PCDHGB4: variants seen among roughly 807,000 people sequenced by gnomAD.
The protein encoded by PCDHGB4 is protocadherin gamma subfamily B, 4, also known as protocadherin gamma-B4.
A neutral mutation model predicts 60.5 loss-of-function variants in PCDHGB4; 38 were observed. The ratio of observed to expected loss-of-function variants is 0.63; its 90% CI spans 0.48 to 0.82. PCDHGB4 has a LOEUF of 0.82. Among genes scored for constraint, PCDHGB4 ranks in the 40% least tolerant of loss-of-function variants. PCDHGB4 has a pLI of 0.00. For missense variants in PCDHGB4, 1,109 were observed against 1,209.6 expected (o/e 0.92, Z 1.23); for synonymous variants, 456 against 509.7 (o/e 0.89, Z 1.42).
At chr5:141,464,558 A>G (rs1276921889) in intron 1 of PCDHGB4, among the ~76,000 whole-genome samples, 2 of 152,176 alleles carry the variant, frequency 1.3e-5, no homozygotes, top group Non-Finnish European at 2.9e-5. Context: ...CCCATCTTGC[A>G]TTCCTACAAA....
chr5:141,461,510 G>T (rs2099016853), intron 1 of PCDHGB4, among the ~76,000 whole-genome samples: 1 of 152,014 alleles, frequency 6.6e-6, no homozygotes, highest in Non-Finnish European at 1.5e-5. Context: ...TTGGTGATTT[G>T]TTAGTTCCTT....
intron 1 of PCDHGB4, chr5:141,424,083 C>T (rs2096798692): frequency 4.2e-6 from 4 of 957,190 alleles, no homozygotes; most frequent in Non-Finnish European, 5.1e-6. Flanking sequence ...TATATTCCAC[C>T]ATTATTTGCT....
At position 141,414,245 on chromosome 5, in the gene PCDHGB4, T is replaced by G. The variant is rs760119941; in HGVS notation, c.2397+23964T>G. On this transcript the variant is annotated intron_variant, in intron 1 of 3. Transcript: ENST00000519479. ...CCAGAGCTGACCATCACGTCTCTAT[T>G]TAGTCCAGTGACTGAAGATTCACCT... 49 of 1,613,380 alleles carry G rather than the reference T, an allele frequency of 3.0e-5. 1 individual carries two copies. The highest frequency in any genetic ancestry group is 1.3e-4 in the South Asian group (12 of 90,978).
At chr5:141,446,079 A>T (rs2098487021) in intron 1 of PCDHGB4, among the ~76,000 whole-genome samples, 1 of 152,234 alleles carries the variant, frequency 6.6e-6, no homozygotes, top group Non-Finnish European at 1.5e-5. Context: ...CAGTGGATGT[A>T]GAAATAAATG....
chr5:141,412,554 C>T (rs2095562022), intron 1 of PCDHGB4: 1 of 152,094 alleles, frequency 6.6e-6, no homozygotes, highest in Non-Finnish European at 1.5e-5. Context: ...TGAATTATCT[C>T]ATGAGTTTAT....
At chr5:141,444,152 A>ATTTTTTTTTTTTTTTTT (rs747671382) in intron 1 of PCDHGB4, among the ~76,000 whole-genome samples, 1 of 33,898 alleles carries the variant, frequency 3.0e-5, no homozygotes, top group African/African-American at 1.4e-4. Context: ...TGTGTACTGG[A>ATTTTTTTTTTTTTTTTT]TTTTTTTTTT....
intron 1 of PCDHGB4, chr5:141,393,329 C>T: frequency 6.2e-7 from 1 of 1,611,240 alleles, no homozygotes; most frequent in South Asian, 1.1e-5. Flanking sequence ...GCTACCAGCT[C>T]AGCCCCAATC....
chr5:141,397,965 C>G (rs2093591451), intron 1 of PCDHGB4: 3 of 1,077,486 alleles, frequency 2.8e-6, no homozygotes, highest in South Asian at 1.7e-5. Context: ...AGCTCAGACT[C>G]CCCAGCGCCG....
At chr5:141,442,111 C>G (rs1265830634) in intron 1 of PCDHGB4, 1 of 166,236 alleles carries the variant, frequency 6.0e-6, no homozygotes, top group Non-Finnish European at 1.3e-5. Context: ...CACTACCGCC[C>G]CTCGTCGCCG....
At chr5:141,471,111 C>T (rs529680278) in intron 1 of PCDHGB4, among the ~76,000 whole-genome samples, 1 of 146,150 alleles carries the variant, frequency 6.8e-6, no homozygotes, top group African/African-American at 2.6e-5. Flanking sequence ...TGCAGTGGTG[C>T]GATCTTACCT....
chr5:141,409,203 T>TC, intron 1 of PCDHGB4: 1 of 1,613,964 alleles, frequency 6.2e-7, no homozygotes, highest in Non-Finnish European at 8.5e-7. Context: ...TGTAAAGTAA[T>TC]CATAGAAATC....
At chr5:141,418,836 C>T (rs2096292464) in intron 1 of PCDHGB4, 1 of 1,613,984 alleles carries the variant, frequency 6.2e-7, no homozygotes, top group Non-Finnish European at 8.5e-7. Flanking sequence ...GACCGAGGAT[C>T]TCTCTCAACA....
rs1010974359 is a variant in PCDHGB4, at chr5:141,388,956, G to C, written c.1072G>C (p.Ala358Pro). Reference sequence around the variant, plus strand: ...TCTACCCAACCTAATTATGGAGGACGCCGAGCTGGGAACACATATTGCTTT... The same window carrying C: ...TCTACCCAACCTAATTATGGAGGACCCCGAGCTGGGAACACATATTGCTTT... ...QSLPNLIMED[A>P]ELGTHIALLK... The change falls in exon 1 of 4, where the codon GCC becomes CCC. Residue 358 changes from alanine (A) to proline (P), a missense_variant. Physicochemically the swap from Ala to Pro is conservative, Grantham distance 27. Transcript: ENST00000519479. 6.2e-7 allele frequency: 1 copy of C among 1,613,846 alleles called. No homozygotes were observed. Among genetic ancestry groups the C allele is most frequent in the Non-Finnish European group, 8.5e-7 (1 of 1,179,898 alleles).
chr5:141,446,578 GTGAT>G (rs2098507706), intron 1 of PCDHGB4, among the ~76,000 whole-genome samples: 1 of 152,064 alleles, frequency 6.6e-6, no homozygotes, highest in African/African-American at 2.4e-5. Context: ...CCAGGTTCAA[GTGAT>G]TCTTCTGCCT....
chr5:141,487,386 G>C lies in PCDHGB4; in HGVS notation c.2398-7421G>C. On this transcript the variant is annotated intron_variant, in intron 1 of 3. Coordinates refer to ENST00000519479, the MANE Select transcript of PCDHGB4 (RefSeq NM_003736.4). The surrounding 1 kb of genome is among the most constrained non-coding windows in gnomAD (Gnocchi z 5.0). Reference sequence around the variant, plus strand: ...ACCTGTGCCTGTCTCACCAGATCTCGAAGGAGGGAGGGGCTTCCCCCTTCC... The same window carrying C: ...ACCTGTGCCTGTCTCACCAGATCTCCAAGGAGGGAGGGGCTTCCCCCTTCC... The C allele has an allele frequency of 1.2e-6, 2 of 1,614,164 alleles. No homozygotes were observed. Among genetic ancestry groups the C allele is most frequent in the South Asian group, 1.1e-5 (1 of 91,084 alleles).
rs979093310 is a variant in PCDHGB4 at position 141,486,621 on chromosome 5, A to G, written c.2398-8186A>G. On this transcript the variant is annotated intron_variant, in intron 1 of 3. Transcript: ENST00000519479. This position sits in a 1 kb window ranked among gnomAD's most constrained non-coding sequence, Gnocchi z 5.0. The stretch of plus-strand genomic sequence containing the variant: ...TGCTCCCTTGCAGCCTCTGACCCAG[A>G]CTCTGGCTTGAATGCGCTTATCTCC... 6.2e-7 allele frequency: 1 copy of G among 1,613,388 alleles called. No individual in the cohort carries two copies. The highest frequency in any genetic ancestry group is 1.3e-5 in the African/African-American group (1 of 74,960).
intron 1 of PCDHGB4, chr5:141,404,355 G>A (rs1170833341): frequency 6.2e-7 from 1 of 1,613,896 alleles, no homozygotes; most frequent in Admixed American, 1.7e-5. Flanking sequence ...AACGCCAGAG[G>A]TACTTCCATC....
At chr5:141,406,544 T>A (rs1254762260) in intron 1 of PCDHGB4, among the ~76,000 whole-genome samples, 1 of 152,222 alleles carries the variant, frequency 6.6e-6, no homozygotes, top group Non-Finnish European at 1.5e-5. Context: ...AGATTCAAAC[T>A]TCAGTTATCC....
At chr5:141,443,820 T>A (rs1329478151) in intron 1 of PCDHGB4, among the ~76,000 whole-genome samples, 1 of 151,986 alleles carries the variant, frequency 6.6e-6, no homozygotes, top group Non-Finnish European at 1.5e-5. Context: ...TTGGAAAACA[T>A]AATTAGGTAA....
Sources: gnomAD v4.1 joint callset for allele counts (sites outside exome capture counted in the v4.1 genomes callset) on GRCh38, gnomAD v4.1.1 for gene constraint, Gnocchi (gnomAD v3.1) non-coding constraint, MANE v1.5 for transcripts, NCBI Gene and HGNC (gene_info 2026-07-23, HGNC 2026-07-21) for gene names.